The following AFF1 variants were observed in gnomAD, a reference collection of about 807,000 sequenced individuals.
The protein encoded by AFF1 is AF4/FMR2 family member 1.
Under a neutral mutation model 121.7 loss-of-function variants are expected in AFF1, and 48 were observed. The observed-to-expected ratio is 0.39, with a 90% CI of 0.31 to 0.50. AFF1 has a LOEUF of 0.50. Ranked by LOEUF, AFF1 falls within the 20% of genes least tolerant of loss-of-function variation. The pLI is 0.76. For synonymous variants in AFF1, 613 were observed against 563.0 expected (o/e 1.09, Z -1.26); for missense variants, 1,523 against 1,511.7 (o/e 1.01, Z -0.12).
chr4:87,090,145 G>T, intron 6 of AFF1, 75 bp downstream of exon 6: 1 of 1,195,842 alleles, frequency 8.4e-7, no homozygotes, highest in South Asian at 1.3e-5. Flanking sequence ...GAGGCAGATT[G>T]ATAAAGTATT....
chr4:87,136,810 A>G lies in AFF1; in HGVS notation c.*1109A>G, dbSNP rs1328280056. The G allele has an allele frequency of 4.5e-6, 1 of 221,580 alleles. No homozygotes were observed. 13.7% of individuals were successfully genotyped at this position (221,580 alleles called of 1,614,324 possible). A position where few individuals can be genotyped will look rare whatever the true frequency, so the allele number is the denominator to read the frequency against. ...GCTACAAATATTTTATATTTATAGC[A>G]AAACTAGACTTTCAGAGTCCTTGAT... On this transcript the variant is annotated 3_prime_UTR_variant, in exon 21 of 21. Transcript: ENST00000395146.
chr4:86,965,377 T>C (rs1280514673), intron 2 of AFF1, among the ~76,000 whole-genome samples: 2 of 152,366 alleles, frequency 1.3e-5, no homozygotes, highest in East Asian at 3.9e-4. Context: ...GCAGTGTTTT[T>C]GTCTGTTTTA....
In AFF1 at chr4:87,108,230, ACTCAGACAGTTC is replaced by A. The variant is rs780378231; in HGVS notation, c.1456_1467del (p.Ser487_Ser490del). On this transcript the variant is annotated inframe_deletion, in exon 11 of 21. Transcript: ENST00000395146. ...AGTGCAGAGTCAGAAAGCACCAGTGACTCAGACAGTTCCTCAGACTCAGAGAGCGAGAGCAGT... is the reference window on the plus strand; with the variant it reads ...AGTGCAGAGTCAGAAAGCACCAGTGACTCAGACTCAGAGAGCGAGAGCAGT... 3 of 1,614,138 alleles carry A rather than the reference ACTCAGACAGTTC, an allele frequency of 1.9e-6. No homozygotes were observed. Among genetic ancestry groups the A allele is most frequent in the Non-Finnish European group, 2.5e-6 (3 of 1,180,022 alleles).
chr4:86,952,854 T>C (rs113008866), intron 2 of AFF1, among the ~76,000 whole-genome samples: 9,605 of 147,104 alleles, frequency 0.065, 1,016 homozygotes, highest in African/African-American at 0.23. Flanking sequence ...CTACTTTTTG[T>C]ATTTTGTATT....
In AFF1 at chr4:87,132,401, A is replaced by T. The variant is rs1197406377; in HGVS notation, c.3304A>T (p.Ile1102Phe). The stretch of plus-strand genomic sequence containing the variant: ...AGTCGCCCAGGCACCTTCTCCATGC[A>T]TTGCAAGGTAACTCTAAGTCTAATA... ...SKVAQAPSPC[I>F]ARSTGTPSPL... The change falls in exon 19 of 21, where the codon ATT becomes TTT. Residue 1102 changes from isoleucine to phenylalanine, a missense_variant. Ile to Phe is a conservative substitution (Grantham distance 21). This residue lies in a region of AFF1 where 241 missense variants were observed against 265.2 expected (regional missense o/e 0.91). Coordinates refer to ENST00000395146, the MANE Select transcript of AFF1 (RefSeq NM_001166693.3). The T allele has an allele frequency of 6.2e-7, 1 of 1,609,822 alleles. No individual in the cohort carries two copies. The highest frequency in any genetic ancestry group is 8.5e-7 in the Non-Finnish European group (1 of 1,178,810).
chr4:87,060,574 G>A (rs907971583), intron 4 of AFF1, among the ~76,000 whole-genome samples: 2 of 152,020 alleles, frequency 1.3e-5, no homozygotes. Flanking sequence ...CACGGTGGCT[G>A]ACGCCTGTAA....
At chr4:87,114,021 T>C (rs1016391760) in intron 11 of AFF1, among the ~76,000 whole-genome samples, 1 of 152,244 alleles carries the variant, frequency 6.6e-6, no homozygotes, top group Non-Finnish European at 1.5e-5. Flanking sequence ...TTTCCTCCTA[T>C]TATTCCTTAA....
chr4:87,112,413 A>T (rs1214320051), intron 11 of AFF1, among the ~76,000 whole-genome samples: 9 of 152,364 alleles, frequency 5.9e-5, no homozygotes, highest in Non-Finnish European at 1.0e-4. Context: ...TAATGTTATC[A>T]TAAGCAGCAG....
At chr4:87,134,752 CAT>C in intron 20 of AFF1, 58 bp downstream of exon 20, 1 of 1,396,652 alleles carries the variant, frequency 7.2e-7, no homozygotes. Context: ...GAGGAATAAA[CAT>C]TGGTTTATAT....
At chr4:87,135,336 T>C (rs935445900) in intron 20 of AFF1, among the ~76,000 whole-genome samples, 1 of 152,144 alleles carries the variant, frequency 6.6e-6, no homozygotes, top group Non-Finnish European at 1.5e-5. Context: ...AAGGTATAAA[T>C]TTGGTGTTTT....
chr4:86,999,590 A>G (rs1047640990), intron 2 of AFF1, among the ~76,000 whole-genome samples: 6 of 152,204 alleles, frequency 3.9e-5, no homozygotes, highest in African/African-American at 7.2e-5. Flanking sequence ...TTGGAGTTAC[A>G]GAGAGAAGTT....
At chr4:87,039,294 C>T (rs748728090) in intron 2 of AFF1, among the ~76,000 whole-genome samples, 4 of 152,178 alleles carry the variant, frequency 2.6e-5, no homozygotes, top group African/African-American at 2.4e-5. Context: ...ATCCCTACCC[C>T]CAAGAAGCAT....
In AFF1 at chr4:87,127,170, C is replaced by CT. The variant is rs1560657539; in HGVS notation, c.2903+53_2903+54insT. 2.1e-5 allele frequency: 27 copies of CT among 1,293,506 alleles called. 2 individuals are homozygous for CT. In the South Asian group the frequency reaches 2.3e-4, roughly 11 times the overall value. 80.1% of individuals were successfully genotyped at this position (1,293,506 alleles called of 1,614,324 possible). A position where few individuals can be genotyped will look rare whatever the true frequency, so the allele number is the denominator to read the frequency against. On this transcript the variant is annotated intron_variant, in intron 15 of 20. Coordinates refer to ENST00000395146, the MANE Select transcript of AFF1 (RefSeq NM_001166693.3). ...TCTGTTTTGTTTTGTTTTGCTTCCC[C>CT]CCCCCACCAAGATAGAGTCTCACTC... is the stretch of plus-strand genomic sequence containing the variant.
At chr4:86,976,574 A>G (rs1393653285) in intron 2 of AFF1, among the ~76,000 whole-genome samples, 1 of 152,192 alleles carries the variant, frequency 6.6e-6, no homozygotes, top group East Asian at 1.9e-4. Context: ...TCAAGTACAT[A>G]TGGACAGAAA....
In AFF1 at chr4:87,131,934, T is replaced by C. The variant is rs1490740578; in HGVS notation, c.3173+70T>C. On this transcript the variant is annotated intron_variant, in intron 18 of 20. Transcript: ENST00000395146. ...ATCTGTTGATGTTACAAAAAGATTC[T>C]GAAATTTGTTTTCTTAATGTGAAAA... The C allele has an allele frequency of 7.0e-6, 9 of 1,289,360 alleles. No individual in the cohort carries two copies. The Admixed American group carries it at 2.2e-4, about 32-fold the overall frequency. The allele number at this position is 1,289,360 out of a possible 1,614,324, so 79.9% of individuals were successfully genotyped here.
chr4:87,014,757 T>C (rs893795542), intron 2 of AFF1, among the ~76,000 whole-genome samples: 3 of 152,250 alleles, frequency 2.0e-5, no homozygotes, highest in African/African-American at 7.2e-5. Context: ...TAAGTCTGGA[T>C]AACTTGTTAA....
chr4:87,013,802 C>G (rs1006456069), intron 2 of AFF1, among the ~76,000 whole-genome samples: 1 of 151,496 alleles, frequency 6.6e-6, no homozygotes, highest in South Asian at 2.1e-4. Flanking sequence ...CAAAAATCAC[C>G]GTGGGTGCTT....
Position 87,094,937 on chromosome 4 carries a change from A to G in AFF1, c.1251A>G (p.Lys417=). 1.2e-6 allele frequency: 2 copies of G among 1,613,990 alleles called. No individual in the cohort carries two copies. Among genetic ancestry groups the G allele is most frequent in the Non-Finnish European group, 1.7e-6 (2 of 1,179,846 alleles). ...CAGAACAATATGATACATCTTCAAAAACTCACTCAAATTCTCAGCAAGGAA... is the reference window on the plus strand; with the variant it reads ...CAGAACAATATGATACATCTTCAAAGACTCACTCAAATTCTCAGCAAGGAA... ...QNQKQYDTSS[K]THSNSQQGTS... is the part of the protein sequence containing the mutation. The change falls in exon 8 of 21, where the codon AAA becomes AAG. Residue 417 remains lysine (K), a synonymous_variant. Coordinates refer to ENST00000395146, the MANE Select transcript of AFF1 (RefSeq NM_001166693.3).
intron 2 of AFF1, among the ~76,000 whole-genome samples, chr4:86,985,384 G>A (rs1302864279): frequency 1.3e-5 from 2 of 150,756 alleles, no homozygotes; most frequent in South Asian, 2.1e-4. Context: ...GGTGGTGGGC[G>A]CCTGTAATCT....
Sources: allele counts gnomAD v4.1 joint callset (sites outside exome capture counted in the v4.1 genomes callset), GRCh38; gene constraint gnomAD v4.1.1; regional missense constraint gnomAD v4.1.1; transcripts MANE v1.5; gene names NCBI Gene and HGNC (gene_info 2026-07-23, HGNC 2026-07-21).